Variants in SDK1 observed in about 807,000 individuals in gnomAD.
The protein encoded by SDK1 is sidekick cell adhesion molecule 1.
In SDK1, 157 loss-of-function variants were observed where a neutral mutation model predicts 245.5. The ratio of observed to expected loss-of-function variants is 0.64; its 90% confidence interval spans 0.56 to 0.73. The LOEUF (loss-of-function observed/expected upper bound fraction) is 0.73. SDK1 is among the 30% of genes least tolerant of loss of function. The probability of loss-of-function intolerance (pLI) is 0.00; values close to 1 mark genes in which losing one functional copy is unlikely to be tolerated. For synonymous variants in SDK1, 1,647 were observed against 1,278.5 expected (o/e 1.29, Z -6.15); for missense variants, 3,583 against 3,002.3 (o/e 1.19, Z -4.52).
chr7:4,087,417 C>G (rs1179180332), intron 22 of SDK1, among the ~76,000 whole-genome samples: 1 of 152,060 alleles, frequency 6.6e-6, no homozygotes, highest in African/African-American at 2.4e-5. Context: ...TTAAACTATG[C>G]TTTAATATCT....
Position 3,560,915 on chromosome 7 carries a change from C to G in SDK1, c.299-58165C>G, listed in dbSNP as rs576159824. On this transcript the variant is annotated intron_variant, in intron 1 of 44. Coordinates refer to ENST00000404826, the MANE Select transcript of SDK1 (RefSeq NM_152744.4). ...CCTACACTTCCTTTGAGTCTTTTCT[C>G]AAAACATTTCAATGAGGTCATCCCC... 7.9e-5 allele frequency among the ~76,000 whole-genome samples: 12 copies of G among 152,286 alleles called. No homozygotes were observed. The South Asian group carries it at 2.5e-3, about 32-fold the overall frequency.
In SDK1 at chr7:3,817,413, A is replaced by G. The variant is rs147938994; in HGVS notation, c.714-4037A>G. ...CTCTGAGCAGGGAGTGGGATTTCCA[A>G]TAGTTGCTGATTAAATAGTGAAACA... On this transcript the variant is annotated intron_variant, in intron 4 of 44. Transcript: ENST00000404826. 1.6e-4 allele frequency among the ~76,000 whole-genome samples: 24 copies of G among 152,306 alleles called. 1 individual carries two copies. The East Asian group carries it at 2.1e-3, about 13-fold the overall frequency.
chr7:4,194,145 CA>C (rs1292864490), intron 35 of SDK1, among the ~76,000 whole-genome samples: 2 of 151,888 alleles, frequency 1.3e-5, no homozygotes, highest in Non-Finnish European at 2.9e-5. Context: ...CTCCTGGTAC[CA>C]AAATCTGTAT....
At chr7:3,763,750 C>G (rs1369087420) in intron 4 of SDK1, among the ~76,000 whole-genome samples, 8 of 152,050 alleles carry the variant, frequency 5.3e-5, no homozygotes, top group Admixed American at 5.2e-4. Flanking sequence ...TTTTATATCT[C>G]TATCTAGGTG....
intron 19 of SDK1, among the ~76,000 whole-genome samples, chr7:4,063,368 C>G (rs1779664855): frequency 6.6e-6 from 1 of 151,750 alleles, no homozygotes; most frequent in Non-Finnish European, 1.5e-5. Flanking sequence ...AAAAGAAAAA[C>G]ATATCTAGGA....
chr7:3,399,678 G>A (rs191484148), intron 1 of SDK1, among the ~76,000 whole-genome samples: 40 of 152,194 alleles, frequency 2.6e-4, no homozygotes, highest in Admixed American at 7.2e-4. Context: ...TGAAATCTCT[G>A]TTGGGTTTGA....
intron 28 of SDK1, among the ~76,000 whole-genome samples, chr7:4,136,699 G>A (rs1186286419): frequency 5.3e-5 from 8 of 152,244 alleles, no homozygotes; most frequent in Non-Finnish European, 8.8e-5. Flanking sequence ...GTGATGATGC[G>A]TGAGCTCTTC....
chr7:3,905,680 C>CCACT (rs1778881877), intron 5 of SDK1, among the ~76,000 whole-genome samples: 1 of 151,902 alleles, frequency 6.6e-6, no homozygotes, highest in Non-Finnish European at 1.5e-5. Flanking sequence ...GGCTGGAGTG[C>CCACT]AGTGGCACAA....
chr7:4,209,127 G>T (rs1784388350), intron 37 of SDK1, among the ~76,000 whole-genome samples: 1 of 152,220 alleles, frequency 6.6e-6, no homozygotes, highest in Non-Finnish European at 1.5e-5. Flanking sequence ...CCACAACCAG[G>T]TTGCAAGGAC....
intron 23 of SDK1, among the ~76,000 whole-genome samples, chr7:4,110,992 A>G (rs879526261): frequency 3.3e-5 from 5 of 152,142 alleles, no homozygotes; most frequent in Non-Finnish European, 5.9e-5. Flanking sequence ...GGCTCCTTCT[A>G]TCAGTACCAG....
At chr7:3,370,877 C>T (rs1479013427) in intron 1 of SDK1, among the ~76,000 whole-genome samples, 1 of 152,088 alleles carries the variant, frequency 6.6e-6, no homozygotes, top group African/African-American at 2.4e-5. Flanking sequence ...ACCTGGGTCC[C>T]TCACCTGCTC....
chr7:3,432,796 C>T (rs1368692999), intron 1 of SDK1, among the ~76,000 whole-genome samples: 1 of 152,168 alleles, frequency 6.6e-6, no homozygotes. Context: ...AATATGGCAA[C>T]AAAATTCTTT....
rs1788528500 is a variant in SDK1, at chr7:4,267,298, C to T, written c.*1914C>T. On this transcript the variant is annotated 3_prime_UTR_variant, in exon 45 of 45. Transcript: ENST00000404826. ...CCTTCCTCTCTTTCCTCCTTCCTTC[C>T]CTCCCTTCTTTCCCTCCCTCCCTTC... is the stretch of plus-strand genomic sequence containing the variant. 2.9e-6 allele frequency: 2 copies of T among 683,836 alleles called. No individual in the cohort carries two copies. Among genetic ancestry groups the T allele is most frequent in the African/African-American group, 2.0e-5 (1 of 50,482 alleles). 42.4% of individuals were successfully genotyped at this position (683,836 alleles called of 1,614,324 possible).
intron 1 of SDK1, among the ~76,000 whole-genome samples, chr7:3,595,950 GTA>G (rs143375628): frequency 0.093 from 13,700 of 147,174 alleles, 1,067 homozygotes; most frequent in East Asian, 0.34. Context: ...TGTCTAATGG[GTA>G]TTTTTTTTTT....
chr7:3,567,265 A>T (rs6967511), intron 1 of SDK1, among the ~76,000 whole-genome samples: 1 of 151,472 alleles, frequency 6.6e-6, no homozygotes, highest in African/African-American at 2.4e-5. Flanking sequence ...TTTATCCTCC[A>T]TTCCTCAGCG....
chr7:4,104,429 T>A (rs911234706), intron 22 of SDK1, among the ~76,000 whole-genome samples: 1 of 152,232 alleles, frequency 6.6e-6, no homozygotes, highest in African/African-American at 2.4e-5. Flanking sequence ...TGACTTACTG[T>A]TTGTTGATTT....
At chr7:3,551,861 T>C (rs893749025) in intron 1 of SDK1, among the ~76,000 whole-genome samples, 1 of 152,002 alleles carries the variant, frequency 6.6e-6, no homozygotes, top group African/African-American at 2.4e-5. Flanking sequence ...TTTGTTGTTG[T>C]TTTTAAGGAA....
chr7:4,067,824 CT>C lies in SDK1; in HGVS notation c.2912-10del. 6.2e-7 allele frequency: 1 copy of C among 1,602,894 alleles called. No individual in the cohort carries two copies. Among genetic ancestry groups the C allele is most frequent in the Non-Finnish European group, 8.5e-7 (1 of 1,172,486 alleles). On this transcript the variant is annotated splice_polypyrimidine_tract_variant and intron_variant, in intron 19 of 44. Coordinates refer to ENST00000404826, the MANE Select transcript of SDK1 (RefSeq NM_152744.4). ...GCTATTGTGTTAACAGATGACTTTGCTTTTAATTGGTAGAACCAGGAGCTGT... is the reference window on the plus strand; with the variant it reads ...GCTATTGTGTTAACAGATGACTTTGCTTTAATTGGTAGAACCAGGAGCTGT...
At chr7:3,967,457 A>G in intron 10 of SDK1, 23 bp downstream of exon 10, 1 of 1,408,160 alleles carries the variant, frequency 7.1e-7, no homozygotes, top group South Asian at 1.1e-5. Flanking sequence ...CACTGCCCAC[A>G]ACAGCATGGC....
Sources: allele counts gnomAD v4.1 joint callset (sites outside exome capture counted in the v4.1 genomes callset), GRCh38; gene constraint gnomAD v4.1.1; transcripts MANE v1.5; gene names NCBI Gene and HGNC (gene_info 2026-07-23, HGNC 2026-07-21).